Variants in MTHFD1L observed in about 807,000 individuals in gnomAD.
MTHFD1L encodes methylenetetrahydrofolate dehydrogenase (NADP+ dependent) 1 like, also known as monofunctional C1-tetrahydrofolate synthase, mitochondrial.
MTHFD1L carries 81 observed loss-of-function variants against 119.5 expected under a neutral mutation model. The observed-to-expected ratio is 0.68, with a 90% CI of 0.57 to 0.82. MTHFD1L has a LOEUF of 0.82. Ranked by LOEUF, MTHFD1L falls within the 40% of genes least tolerant of loss-of-function variation. The pLI is 0.00. For synonymous variants in MTHFD1L, 430 were observed against 475.2 expected (o/e 0.90, Z 1.24); for missense variants, 1,125 against 1,253.4 (o/e 0.90, Z 1.55).
At chr6:151,017,481 G>A (rs1050469933) in intron 24 of MTHFD1L, among the ~76,000 whole-genome samples, 1 of 151,894 alleles carries the variant, frequency 6.6e-6, no homozygotes, top group Non-Finnish European at 1.5e-5. Context: ...CGAGTAGCTG[G>A]GATTACAGGC....
intron 17 of MTHFD1L, among the ~76,000 whole-genome samples, chr6:150,958,483 G>A (rs1795961630): frequency 6.6e-6 from 1 of 152,116 alleles, no homozygotes; most frequent in Non-Finnish European, 1.5e-5. Context: ...AATTTCCAAT[G>A]TTGACATATG....
intron 17 of MTHFD1L, among the ~76,000 whole-genome samples, chr6:150,958,738 A>G (rs972715483): frequency 2.0e-5 from 3 of 152,206 alleles, no homozygotes; most frequent in African/African-American, 7.2e-5. Context: ...TAACGTTTTC[A>G]TTGGCATCTT....
intron 7 of MTHFD1L, among the ~76,000 whole-genome samples, chr6:150,891,337 A>G (rs886485114): frequency 1.3e-5 from 2 of 151,806 alleles, no homozygotes; most frequent in African/African-American, 4.8e-5. Flanking sequence ...AAGTTGCAGA[A>G]GGATGTATTT....
At chr6:150,996,873 T>C (rs1181377956) in intron 20 of MTHFD1L, among the ~76,000 whole-genome samples, 1 of 152,178 alleles carries the variant, frequency 6.6e-6, no homozygotes, top group Non-Finnish European at 1.5e-5. Context: ...CTGAATGCTA[T>C]GCTTCTTTCA....
chr6:150,965,274 G>C (rs1281421534), intron 19 of MTHFD1L, among the ~76,000 whole-genome samples: 1 of 151,794 alleles, frequency 6.6e-6, no homozygotes, highest in African/African-American at 2.4e-5. Context: ...ATAACTTCTT[G>C]GCCAACCAAA....
chr6:151,058,629 C>T (rs911142767), intron 26 of MTHFD1L, among the ~76,000 whole-genome samples: 2 of 152,164 alleles, frequency 1.3e-5, no homozygotes, highest in Non-Finnish European at 2.9e-5. Flanking sequence ...AAGGGACAGC[C>T]ATGGCTCAGG....
At chr6:151,002,279 C>T (rs542744316) in intron 20 of MTHFD1L, among the ~76,000 whole-genome samples, 3 of 152,102 alleles carry the variant, frequency 2.0e-5, no homozygotes, top group Non-Finnish European at 4.4e-5. Flanking sequence ...AGCTGTGTGA[C>T]CTTGGGGAAA....
intron 26 of MTHFD1L, among the ~76,000 whole-genome samples, chr6:151,043,967 G>A (rs976237006): frequency 6.6e-6 from 1 of 152,224 alleles, no homozygotes; most frequent in African/African-American, 2.4e-5. Context: ...AACTGGAATT[G>A]TAATTGTGGA....
intron 26 of MTHFD1L, among the ~76,000 whole-genome samples, chr6:151,081,013 G>A (rs563985531): frequency 6.6e-5 from 10 of 152,224 alleles, no homozygotes; most frequent in African/African-American, 1.9e-4. Context: ...AAATGTAGTC[G>A]TATTGGGGGA....
At chr6:150,949,705 T>G (rs1794579995) in intron 16 of MTHFD1L, among the ~76,000 whole-genome samples, 1 of 152,156 alleles carries the variant, frequency 6.6e-6, no homozygotes, top group South Asian at 2.1e-4. Flanking sequence ...CCCTCTCAGT[T>G]GTGAAGTCCC....
intron 20 of MTHFD1L, among the ~76,000 whole-genome samples, chr6:150,980,723 A>AG (rs969758024): frequency 4.0e-5 from 6 of 151,358 alleles, no homozygotes; most frequent in Admixed American, 1.3e-4. Flanking sequence ...AAAAAAAAAA[A>AG]AAAGAAAGAA....
chr6:150,965,290 A>G (rs1250498844), intron 19 of MTHFD1L, among the ~76,000 whole-genome samples: 1 of 152,156 alleles, frequency 6.6e-6, no homozygotes, highest in African/African-American at 2.4e-5. Context: ...CCAAAAAAAA[A>G]AATTTTTAAG....
chr6:150,965,486 C>A (rs1470395089), intron 19 of MTHFD1L, among the ~76,000 whole-genome samples: 3 of 151,892 alleles, frequency 2.0e-5, no homozygotes, highest in Non-Finnish European at 4.4e-5. Flanking sequence ...TGGTGAAACC[C>A]CATCTCTACT....
chr6:151,048,770 C>T (rs1418998966), intron 26 of MTHFD1L, among the ~76,000 whole-genome samples: 10 of 152,208 alleles, frequency 6.6e-5, no homozygotes, highest in Non-Finnish European at 7.3e-5. Context: ...TATGGACCTA[C>T]GGATCAAATA....
chr6:150,887,954 G>C lies in MTHFD1L; in HGVS notation c.753G>C (p.Gln251His), dbSNP rs762310271. 10 of 1,606,686 alleles carry C rather than the reference G, an allele frequency of 6.2e-6. No homozygotes were observed. Among genetic ancestry groups the C allele is most frequent in the Non-Finnish European group, 8.5e-6 (10 of 1,177,210 alleles). ...QRKGSMTMSI[Q>H]WKTRQLQSKL... The stretch of plus-strand genomic sequence containing the variant: ...AAGGGTCCATGACAATGAGCATCCA[G>C]TGGAAAACACGCCAGCTTCAAAGCA... Residue 251 changes from glutamine (Q) to histidine (H), a missense_variant, in exon 7 of 28, where the codon CAG becomes CAC. This residue lies in a region of MTHFD1L where 1,058 missense variants were observed against 1,151.2 expected (regional missense o/e 0.92). Coordinates refer to ENST00000367321, the MANE Select transcript of MTHFD1L (RefSeq NM_015440.5).
intron 1 of MTHFD1L, among the ~76,000 whole-genome samples, chr6:150,874,314 C>T (rs1253498933): frequency 6.6e-6 from 1 of 152,210 alleles, no homozygotes; most frequent in Non-Finnish European, 1.5e-5. Context: ...CAGTTGCCTG[C>T]ACCCAGTCCA....
intron 24 of MTHFD1L, among the ~76,000 whole-genome samples, chr6:151,017,812 C>T (rs1302656538): frequency 6.7e-6 from 1 of 150,188 alleles, no homozygotes; most frequent in East Asian, 2.0e-4. Context: ...TACAAGTATC[C>T]CTTCAAGACC....
chr6:151,059,850 C>T (rs553549065), intron 26 of MTHFD1L, among the ~76,000 whole-genome samples: 4 of 152,234 alleles, frequency 2.6e-5, no homozygotes, highest in Admixed American at 1.3e-4. Flanking sequence ...ACTAGGGAGT[C>T]GCCCGCTTTA....
intron 26 of MTHFD1L, among the ~76,000 whole-genome samples, chr6:151,038,182 A>C (rs554775495): frequency 2.6e-5 from 4 of 152,182 alleles, no homozygotes; most frequent in Admixed American, 6.5e-5. Context: ...AATAGCACAG[A>C]GGTATCTGGA....
Sources: allele counts gnomAD v4.1 joint callset (sites outside exome capture counted in the v4.1 genomes callset), GRCh38; gene constraint gnomAD v4.1.1; regional missense constraint gnomAD v4.1.1; transcripts MANE v1.5; gene names NCBI Gene and HGNC (gene_info 2026-07-23, HGNC 2026-07-21).